The following LMTK2 variants were observed in gnomAD, a reference collection of about 807,000 sequenced individuals.
LMTK2 encodes serine/threonine-protein kinase LMTK2.
LMTK2 carries 37 observed loss-of-function variants against 127.5 expected under a neutral mutation model. The observed-to-expected ratio is 0.29, with a 90% CI of 0.22 to 0.38. The LOEUF is 0.38. Among genes scored for constraint, LMTK2 ranks in the 10% least tolerant of loss-of-function variants. The pLI is 1.00. For synonymous variants in LMTK2, 819 were observed against 810.1 expected (o/e 1.01, Z -0.19); for missense variants, 1,694 against 1,920.3 (o/e 0.88, Z 2.20).
chr7:98,107,955 C>T (rs1160677560), intron 1 of LMTK2, among the ~76,000 whole-genome samples: 2 of 151,914 alleles, frequency 1.3e-5, no homozygotes, highest in Non-Finnish European at 2.9e-5. Flanking sequence ...CCCATTTTCT[C>T]AACATCGTTT....
chr7:98,204,269 C>A, intron 13 of LMTK2, 83 bp downstream of exon 13: 1 of 1,517,802 alleles, frequency 6.6e-7, no homozygotes, highest in Non-Finnish European at 8.9e-7. Context: ...TTTTGCAGGC[C>A]TGATAATCTC....
intron 1 of LMTK2, among the ~76,000 whole-genome samples, chr7:98,134,541 G>T (rs1324043871): frequency 6.6e-6 from 1 of 152,108 alleles, no homozygotes; most frequent in African/African-American, 2.4e-5. Context: ...GCAGTCTGGC[G>T]CAGTGGCTCA....
chr7:98,192,730 T>C lies in LMTK2; in HGVS notation c.2265T>C (p.Thr755=). ...CAGAACTTAAGAATGCTGGTTTTAC[T>C]GAAGCTATGTTAGAAACGTCATGTA... The part of the protein sequence containing the change: ...LQTELKNAGF[T]EAMLETSCRN... The change falls in exon 11 of 14, where the codon ACT becomes ACC. Residue 755 remains threonine, a synonymous_variant. Coordinates refer to ENST00000297293, the MANE Select transcript of LMTK2 (RefSeq NM_014916.4). 2 of 1,612,796 alleles carry C rather than the reference T, an allele frequency of 1.2e-6. No individual in the cohort carries two copies. Among genetic ancestry groups the C allele is most frequent in the South Asian group, 2.2e-5 (2 of 90,886 alleles).
intron 7 of LMTK2, among the ~76,000 whole-genome samples, chr7:98,180,483 T>C (rs1263575807): frequency 6.6e-6 from 1 of 152,248 alleles, no homozygotes; most frequent in Non-Finnish European, 1.5e-5. Flanking sequence ...CTGTTGTCTG[T>C]GTGGAAAGTT....
Position 98,194,153 on chromosome 7 carries a change from A to G in LMTK2, c.3688A>G (p.Thr1230Ala), listed in dbSNP as rs1446509697. ...DRPCTLASTG[T>A]NTNELLAYTN... ...CCCCTGCACCCTCGCTTCCACGGGG[A>G]CCAACACGAACGAACTCCTTGCCTA... Residue 1230 changes from threonine (T) to alanine (A), a missense_variant, in exon 11 of 14, where the codon ACC (threonine) becomes GCC (alanine). This residue lies in a region of LMTK2 where 554 missense variants were observed against 567.7 expected (regional missense o/e 0.98). Transcript: ENST00000297293. This position sits in a 1 kb window ranked among gnomAD's most constrained non-coding sequence, Gnocchi z 5.4. The G allele has an allele frequency of 4.3e-6, 7 of 1,613,950 alleles. No individual in the cohort carries two copies. The highest frequency in any genetic ancestry group is 5.9e-6 in the Non-Finnish European group (7 of 1,180,016).
At chr7:98,128,173 A>T (rs1381875683) in intron 1 of LMTK2, among the ~76,000 whole-genome samples, 1 of 152,164 alleles carries the variant, frequency 6.6e-6, no homozygotes, top group Non-Finnish European at 1.5e-5. Context: ...ATAAATAATT[A>T]AAAAGGTGAA....
chr7:98,116,265 A>AT (rs1218484272), intron 1 of LMTK2, among the ~76,000 whole-genome samples: 1 of 152,088 alleles, frequency 6.6e-6, no homozygotes, highest in African/African-American at 2.4e-5. Flanking sequence ...GGGATAGCAC[A>AT]TTTTTGGGAT....
chr7:98,192,575 A>C lies in LMTK2; in HGVS notation c.2110A>C (p.Asn704His), dbSNP rs753355805. 10 of 1,613,324 alleles carry C rather than the reference A, an allele frequency of 6.2e-6. No homozygotes were observed. In the East Asian group the frequency reaches 2.0e-4, roughly 32 times the overall value. Residue 704 changes from asparagine to histidine, a missense_variant, in exon 11 of 14, where the codon AAT becomes CAT. This residue lies in a region of LMTK2 where 527 missense variants were observed against 539.8 expected (regional missense o/e 0.98). Transcript: ENST00000297293. Reference protein sequence around the residue: ...FDSEPLCLSDNLMHQDNFDPL... With the variant: ...FDSEPLCLSDHLMHQDNFDPL... ...CAGTGAGCCTCTCTGCCTATCAGAT[A>C]ATCTTATGCACCAAGATAATTTTGA...
rs759269570 is a variant in LMTK2 at position 98,151,413 on chromosome 7, T to C, written c.408T>C (p.Ser136=). ...EGLKSQVARH[S]LNYIQEIGNG... is the part of the protein sequence containing the mutation. ...TGAAGTCTCAAGTTGCCCGCCACAG[T>C]CTAAACTACATACAGGAAATTGGAA... The change falls in exon 4 of 14, where the codon AGT becomes AGC. Residue 136 remains serine, a synonymous_variant. Transcript: ENST00000297293. 4 of 1,613,972 alleles carry C rather than the reference T, an allele frequency of 2.5e-6. No individual in the cohort carries two copies. The East Asian group carries it at 8.9e-5, about 36-fold the overall frequency.
rs201266798 is a variant in LMTK2, at chr7:98,203,578, C to T, written c.4112C>T (p.Thr1371Ile). The change falls in exon 12 of 14, where the codon ACC becomes ATC. Residue 1371 changes from threonine (T) to isoleucine (I), a missense_variant. Around this residue, in one of 8 missense-constraint regions of LMTK2, gnomAD observed 554 missense variants for 567.7 expected, o/e 0.98. Coordinates refer to ENST00000297293, the MANE Select transcript of LMTK2 (RefSeq NM_014916.4). ...AGTTTCTGTTTGACTTTTCAGGAGA[C>T]CCCAACCAAAGAGCTGGGGCCCTGT... ...DVTVYLFDQE[T>I]PTKELGPCGG... 1.2e-5 allele frequency: 19 copies of T among 1,585,682 alleles called. No individual in the cohort carries two copies. The highest frequency in any genetic ancestry group is 1.6e-5 in the Non-Finnish European group (19 of 1,171,554).
At chr7:98,112,077 A>G (rs1244217912) in intron 1 of LMTK2, among the ~76,000 whole-genome samples, 1 of 152,226 alleles carries the variant, frequency 6.6e-6, no homozygotes, top group African/African-American at 2.4e-5. Flanking sequence ...CTTAAACACA[A>G]TTGTGTATTG....
intron 1 of LMTK2, among the ~76,000 whole-genome samples, chr7:98,113,093 C>G (rs1269759890): frequency 6.6e-6 from 1 of 152,118 alleles, no homozygotes; most frequent in Admixed American, 6.5e-5. Flanking sequence ...TTGGCTGTTT[C>G]CTCACCCAAT....
At chr7:98,153,870 A>C (rs986223194) in intron 4 of LMTK2, among the ~76,000 whole-genome samples, 7 of 152,190 alleles carry the variant, frequency 4.6e-5, no homozygotes. Context: ...TCTCAAAAAA[A>C]AAAAGAGAGG....
At chr7:98,123,549 C>G (rs1260418850) in intron 1 of LMTK2, among the ~76,000 whole-genome samples, 1 of 152,016 alleles carries the variant, frequency 6.6e-6, no homozygotes, top group Non-Finnish European at 1.5e-5. Context: ...AGGTCTGAAG[C>G]TTTTAAGACT....
intron 1 of LMTK2, among the ~76,000 whole-genome samples, chr7:98,127,596 C>G (rs969562876): frequency 6.6e-5 from 10 of 152,252 alleles, no homozygotes; most frequent in Non-Finnish European, 1.0e-4. Flanking sequence ...GCAGGATGCC[C>G]TCATGCCTGT....
rs1797603122 is a variant in LMTK2 at position 98,194,869 on chromosome 7, T to C, written c.4107+297T>C. On this transcript the variant is annotated intron_variant, in intron 11 of 13. Coordinates refer to ENST00000297293, the MANE Select transcript of LMTK2 (RefSeq NM_014916.4). The surrounding 1 kb of genome is among the most constrained non-coding windows in gnomAD (Gnocchi z 5.4). ...CCAAATTTTTACTGTTTTACTTTTT[T>C]ATTTTTCTTTTGAGACAGCCTTGCT... 6.6e-6 allele frequency among the ~76,000 whole-genome samples: 1 copy of C among 152,214 alleles called. No individual in the cohort carries two copies. The highest frequency in any genetic ancestry group is 2.4e-5 in the African/African-American group (1 of 41,448).
rs964144029 is a variant in LMTK2, at chr7:98,174,141, A to G, written c.791+2467A>G. ...AAAAAAAGAAAAAGTAATCATATCT[A>G]TATTAAATTTCTGTTTGGGGCAAAG... On this transcript the variant is annotated intron_variant, in intron 7 of 13. Coordinates refer to ENST00000297293, the MANE Select transcript of LMTK2 (RefSeq NM_014916.4). Among the ~76,000 whole-genome samples, 4 of 150,800 alleles carry G rather than the reference A, an allele frequency of 2.7e-5. No homozygotes were observed. In the East Asian group the frequency reaches 5.8e-4, roughly 22 times the overall value.
At chr7:98,112,139 G>T (rs2116314905) in intron 1 of LMTK2, among the ~76,000 whole-genome samples, 1 of 152,314 alleles carries the variant, frequency 6.6e-6, no homozygotes, top group Non-Finnish European at 1.5e-5. Flanking sequence ...GCCCAGAGCT[G>T]ATGCTTTCTC....
chr7:98,129,104 A>ACT (rs1796484210), intron 1 of LMTK2, among the ~76,000 whole-genome samples: 4 of 151,950 alleles, frequency 2.6e-5, no homozygotes, highest in Non-Finnish European at 5.9e-5. Flanking sequence ...AGACAGTCTC[A>ACT]CTGTGTCACC....
Sources: allele counts gnomAD v4.1 joint callset (sites outside exome capture counted in the v4.1 genomes callset), GRCh38; gene constraint gnomAD v4.1.1; regional missense constraint gnomAD v4.1.1; non-coding constraint Gnocchi (gnomAD v3.1); transcripts MANE v1.5; gene names NCBI Gene and HGNC (gene_info 2026-07-23, HGNC 2026-07-21).